The following AGO3 variants were observed in gnomAD, a reference collection of about 807,000 sequenced individuals.
The protein encoded by AGO3 is protein argonaute-3.
AGO3 carries 16 observed loss-of-function variants against 105.5 expected under a neutral mutation model. The observed-to-expected ratio is 0.15, with a 90% CI of 0.10 to 0.23. AGO3 has a LOEUF of 0.23. Ranked by LOEUF, AGO3 falls within the 10% of genes least tolerant of loss-of-function variation. The pLI, the probability that AGO3 is intolerant of heterozygous loss-of-function variation, is 1.00. For synonymous variants in AGO3, 340 were observed against 367.3 expected (o/e 0.93, Z 0.85); for missense variants, 534 against 1,088.0 (o/e 0.49, Z 7.16).
chr1:36,016,559 T>C (rs1423275461), intron 11 of AGO3, among the ~76,000 whole-genome samples: 1 of 152,148 alleles, frequency 6.6e-6, no homozygotes, highest in Non-Finnish European at 1.5e-5. Flanking sequence ...TAGGCAAAAC[T>C]TAATTTAACA....
chr1:36,028,236 GTATT>G (rs910428412), intron 12 of AGO3, among the ~76,000 whole-genome samples: 11 of 151,644 alleles, frequency 7.3e-5, no homozygotes, highest in Admixed American at 4.6e-4. Context: ...TTTTTTGTTT[GTATT>G]TATTTATTTA....
At chr1:36,000,343 A>G (rs1363964039) in intron 5 of AGO3, among the ~76,000 whole-genome samples, 1 of 152,168 alleles carries the variant, frequency 6.6e-6, no homozygotes, top group Non-Finnish European at 1.5e-5. Flanking sequence ...TTTTATTACT[A>G]AATTTAATTT....
intron 1 of AGO3, among the ~76,000 whole-genome samples, chr1:35,942,897 C>T (rs1646282939): frequency 6.6e-6 from 1 of 152,200 alleles, no homozygotes; most frequent in African/African-American, 2.4e-5. Flanking sequence ...TATCTCAACT[C>T]CCGGTGACCA....
intron 5 of AGO3, among the ~76,000 whole-genome samples, chr1:35,992,492 CCTT>C (rs1206764266): frequency 2.0e-5 from 3 of 152,120 alleles, no homozygotes; most frequent in Admixed American, 6.6e-5. Flanking sequence ...GTTCTGTTCT[CCTT>C]CTAGGTTTGT....
intron 2 of AGO3, among the ~76,000 whole-genome samples, chr1:35,955,006 C>G (rs1446541801): frequency 1.3e-5 from 2 of 152,108 alleles, no homozygotes; most frequent in Non-Finnish European, 2.9e-5. Flanking sequence ...ACAGCATGAG[C>G]AAAGGTATGA....
At chr1:35,957,750 G>A (rs938791452) in intron 2 of AGO3, among the ~76,000 whole-genome samples, 2 of 151,868 alleles carry the variant, frequency 1.3e-5, no homozygotes, top group African/African-American at 2.4e-5. Context: ...GCTCAGTATC[G>A]ATTTTATATT....
chr1:35,991,174 T>G (rs1256479945), intron 5 of AGO3, among the ~76,000 whole-genome samples: 1 of 152,002 alleles, frequency 6.6e-6, no homozygotes, highest in Non-Finnish European at 1.5e-5. Context: ...CATGGTGGTG[T>G]GCATCTGTAG....
At chr1:35,974,451 G>A (rs774901373) in intron 5 of AGO3, among the ~76,000 whole-genome samples, 27 of 152,006 alleles carry the variant, frequency 1.8e-4, no homozygotes, top group African/African-American at 4.6e-4. Context: ...TTGTTTTCTT[G>A]TGTTATTACC....
chr1:36,054,088 C>T (rs929873358), intron 17 of AGO3, among the ~76,000 whole-genome samples: 3 of 152,008 alleles, frequency 2.0e-5, no homozygotes, highest in African/African-American at 7.3e-5. Flanking sequence ...CCTCCCACCT[C>T]AGCCTCCCCA....
intron 17 of AGO3, among the ~76,000 whole-genome samples, chr1:36,051,467 C>T (rs939165163): frequency 6.6e-6 from 1 of 152,150 alleles, no homozygotes; most frequent in Non-Finnish European, 1.5e-5. Context: ...TGCCTGTAAT[C>T]CCAGCTTCTC....
At chr1:35,935,272 A>G (rs1646129151) in intron 1 of AGO3, among the ~76,000 whole-genome samples, 1 of 152,230 alleles carries the variant, frequency 6.6e-6, no homozygotes, top group Non-Finnish European at 1.5e-5. Context: ...AAAAAGACTT[A>G]AGGGAAAAGA....
chr1:36,037,189 T>G (rs1173185896), intron 14 of AGO3, among the ~76,000 whole-genome samples: 1 of 152,192 alleles, frequency 6.6e-6, no homozygotes. Context: ...TATGAACATC[T>G]TTTAGGCATA....
At chr1:35,934,547 G>A (rs1237192898) in intron 1 of AGO3, among the ~76,000 whole-genome samples, 2 of 151,980 alleles carry the variant, frequency 1.3e-5, no homozygotes, top group African/African-American at 4.8e-5. Context: ...ATCAAGATTG[G>A]GATTTGAATG....
intron 5 of AGO3, among the ~76,000 whole-genome samples, chr1:35,977,225 A>G (rs963560996): frequency 6.7e-6 from 1 of 148,750 alleles, no homozygotes; most frequent in Non-Finnish European, 1.5e-5. Context: ...CCATAGATAT[A>G]TACATCTAGT....
intron 16 of AGO3, among the ~76,000 whole-genome samples, 170 bp downstream of exon 16, chr1:36,040,611 C>G (rs1642203379): frequency 6.6e-6 from 1 of 152,122 alleles, no homozygotes; most frequent in African/African-American, 2.4e-5. Context: ...TTTTAACTTT[C>G]TAGAATTTCT....
chr1:36,039,492 CAAA>C (rs1048314282), intron 14 of AGO3, among the ~76,000 whole-genome samples: 40 of 55,632 alleles, frequency 7.2e-4, no homozygotes, highest in East Asian at 6.8e-3. Flanking sequence ...GACTGCGTCT[CAAA>C]AAAAAAAAAA....
chr1:36,003,709 A>ATAT (rs1553165851), intron 5 of AGO3, among the ~76,000 whole-genome samples: 186 of 99,426 alleles, frequency 1.9e-3, no homozygotes, highest in Non-Finnish European at 2.7e-3. Context: ...AAAAAAAAAA[A>ATAT]ATATATATAT....
chr1:35,931,594 C>A, intron 1 of AGO3, 149 bp downstream of exon 1: 2 of 915,064 alleles, frequency 2.2e-6, no homozygotes, highest in Middle Eastern at 3.4e-4. Flanking sequence ...TCCTCCGCGA[C>A]CTCCCCGCAG....
chr1:36,028,842 A>G (rs372613718), intron 12 of AGO3, among the ~76,000 whole-genome samples: 1 of 151,894 alleles, frequency 6.6e-6, no homozygotes, highest in Admixed American at 6.6e-5. Flanking sequence ...CAATGGTTGA[A>G]CTAGTCTATT....
Sources: allele counts gnomAD v4.1 joint callset (sites outside exome capture counted in the v4.1 genomes callset), GRCh38; gene constraint gnomAD v4.1.1; transcripts MANE v1.5; gene names NCBI Gene and HGNC (gene_info 2026-07-23, HGNC 2026-07-21).